SLC45A1: variants seen among roughly 807,000 people sequenced by gnomAD.
SLC45A1 encodes proton-associated sugar transporter A.
In SLC45A1, 28 loss-of-function variants were observed where a neutral mutation model predicts 57.6. The observed-to-expected ratio is 0.49, with a 90% CI of 0.36 to 0.67. SLC45A1 has a LOEUF of 0.67. Among genes scored for constraint, SLC45A1 ranks in the 30% least tolerant of loss-of-function variants. The pLI, the probability that SLC45A1 is intolerant of heterozygous loss-of-function variation, is 0.00. For missense variants in SLC45A1, 814 were observed against 1,041.5 expected (o/e 0.78, Z 3.01); for synonymous variants, 459 against 471.5 (o/e 0.97, Z 0.34).
In SLC45A1 at chr1:8,325,814, C is replaced by T; in HGVS notation, c.491-4C>T. On this transcript the variant is annotated splice_region_variant and splice_polypyrimidine_tract_variant and intron_variant, in intron 3 of 8. Coordinates refer to ENST00000471889, the MANE Select transcript of SLC45A1 (RefSeq NM_001080397.3). The surrounding 1 kb of genome is among the most constrained non-coding windows in gnomAD (Gnocchi z 6.3). ...TTGGGGTGACTTTGTTTCTCTGTGT[C>T]CAGGGGCACTGCTGGGCCTCTCGCT... 2.5e-6 allele frequency: 4 copies of T among 1,611,892 alleles called. No individual in the cohort carries two copies. In the African/African-American group the frequency reaches 4.0e-5, roughly 16 times the overall value.
At chr1:8,323,718 C>G (rs11585805) in intron 1 of SLC45A1, among the ~76,000 whole-genome samples, 29,091 of 152,182 alleles carry the variant, frequency 0.19, 2,864 homozygotes, top group Middle Eastern at 0.33. Context: ...TGTGTTAAGC[C>G]CATTCAGCTG....
chr1:8,338,605 G>A (rs878943250), intron 7 of SLC45A1, among the ~76,000 whole-genome samples: 6 of 152,216 alleles, frequency 3.9e-5, no homozygotes, highest in Admixed American at 1.3e-4. Flanking sequence ...TGGTATTTCC[G>A]GCTTTGCCGG....
chr1:8,319,729 T>A (rs554479686), intron 1 of SLC45A1, among the ~76,000 whole-genome samples: 1 of 152,288 alleles, frequency 6.6e-6, no homozygotes, highest in Non-Finnish European at 1.5e-5. Flanking sequence ...TTGTTGTTGT[T>A]TTTTGAGACA....
Position 8,325,250 on chromosome 1 carries a change from A to G in SLC45A1, c.398-48A>G, listed in dbSNP as rs773039415. On this transcript the variant is annotated intron_variant, in intron 2 of 8. Coordinates refer to ENST00000471889, the MANE Select transcript of SLC45A1 (RefSeq NM_001080397.3). This position sits in a 1 kb window ranked among gnomAD's most constrained non-coding sequence, Gnocchi z 6.3. ...ATGTGGAGGCTGATTCGATGTCCCC[A>G]TGTGCCATGGGGACCCTGGCAATGA... 4.0e-6 allele frequency: 5 copies of G among 1,256,040 alleles called. No individual in the cohort carries two copies. The South Asian group carries it at 4.8e-5, about 12-fold the overall frequency. 77.8% of individuals were successfully genotyped at this position (1,256,040 alleles called of 1,614,324 possible).
intron 1 of SLC45A1, among the ~76,000 whole-genome samples, chr1:8,320,425 T>C (rs1438980994): frequency 6.6e-6 from 1 of 152,162 alleles, no homozygotes; most frequent in Non-Finnish European, 1.5e-5. Context: ...GGTGGATCAC[T>C]TGAGCCCAGG....
At position 8,343,570 on chromosome 1, in the gene SLC45A1, C is replaced by T. The variant is rs1047596204; in HGVS notation, c.1981-177C>T. Among the ~76,000 whole-genome samples, 2 of 152,178 alleles carry T rather than the reference C, an allele frequency of 1.3e-5. No homozygotes were observed. Among genetic ancestry groups the T allele is most frequent in the Admixed American group, 1.3e-4 (2 of 15,282 alleles). The stretch of plus-strand genomic sequence containing the variant: ...GATTCTTTTCATTGTCGTCATCTCT[C>T]CGAACACAAATATTGTTAAACTCTT... On this transcript the variant is annotated intron_variant, in intron 8 of 8. Transcript: ENST00000471889. The surrounding 1 kb of genome is among the most constrained non-coding windows in gnomAD (Gnocchi z 7.7).
At position 8,328,760 on chromosome 1, in the gene SLC45A1, G is replaced by A. The variant is rs772360805; in HGVS notation, c.716-1449G>A. ...AGGCTGAGGCAGGAGAATCACTTGAGCCCAGGAGGAGGAGGTGGCAGTGAG... is the reference window on the plus strand; with the variant it reads ...AGGCTGAGGCAGGAGAATCACTTGAACCCAGGAGGAGGAGGTGGCAGTGAG... On this transcript the variant is annotated intron_variant, in intron 4 of 8. Transcript: ENST00000471889. The surrounding 1 kb of genome is among the most constrained non-coding windows in gnomAD (Gnocchi z 4.6). Among the ~76,000 whole-genome samples the A allele has an allele frequency of 6.6e-5, 10 of 152,134 alleles. No homozygotes were observed. Among genetic ancestry groups the A allele is most frequent in the Non-Finnish European group, 1.5e-4 (10 of 68,002 alleles).
At chr1:8,337,482 G>T (rs574251756) in intron 6 of SLC45A1, among the ~76,000 whole-genome samples, 1 of 152,142 alleles carries the variant, frequency 6.6e-6, no homozygotes, top group Admixed American at 6.5e-5. Context: ...GCAGTGGCGC[G>T]ATCTCAGCTC....
At position 8,335,253 on chromosome 1, in the gene SLC45A1, C is replaced by A. The variant is rs1266756702; in HGVS notation, c.1444-184C>A. 2.6e-5 allele frequency among the ~76,000 whole-genome samples: 4 copies of A among 152,226 alleles called. No homozygotes were observed. The highest frequency in any genetic ancestry group is 1.9e-4 in the East Asian group (1 of 5,192). The stretch of plus-strand genomic sequence containing the variant: ...CTTAGCTGCTCCGGGGCCTCGGAAA[C>A]AATGCCCTGAATTTGTTCCTCTGAG... On this transcript the variant is annotated intron_variant, in intron 5 of 8. Coordinates refer to ENST00000471889, the MANE Select transcript of SLC45A1 (RefSeq NM_001080397.3). The surrounding 1 kb of genome is among the most constrained non-coding windows in gnomAD (Gnocchi z 4.1).
chr1:8,320,690 TCTACACACACACACAC>T (rs749302671), intron 1 of SLC45A1, among the ~76,000 whole-genome samples: 25 of 130,288 alleles, frequency 1.9e-4, no homozygotes, highest in East Asian at 6.3e-4. Flanking sequence ...TCTCTCTCTC[TCTACACACACACACAC>T]ACACACACAC....
intron 8 of SLC45A1, among the ~76,000 whole-genome samples, chr1:8,342,984 C>T (rs1640878406): frequency 6.6e-6 from 1 of 152,152 alleles, no homozygotes; most frequent in South Asian, 2.1e-4. Context: ...CTTTTAATCT[C>T]ATGCCTCAGT....
intron 8 of SLC45A1, among the ~76,000 whole-genome samples, chr1:8,340,178 T>TC (rs1382950227): frequency 6.6e-6 from 1 of 151,832 alleles, no homozygotes; most frequent in African/African-American, 2.4e-5. Context: ...TTTTTTTTTT[T>TC]TTGAGATGGA....
At chr1:8,338,128 C>T (rs147043123) in intron 7 of SLC45A1, 136 bp downstream of exon 7, 15 of 815,684 alleles carry the variant, frequency 1.8e-5, no homozygotes, top group Admixed American at 5.6e-5. Context: ...CTGTCTTTCC[C>T]GGCTGCAGGG....
Position 8,326,180 on chromosome 1 carries a change from A to G in SLC45A1, c.715+138A>G. On this transcript the variant is annotated intron_variant, in intron 4 of 8. Coordinates refer to ENST00000471889, the MANE Select transcript of SLC45A1 (RefSeq NM_001080397.3). This position sits in a 1 kb window ranked among gnomAD's most constrained non-coding sequence, Gnocchi z 5.5. ...CAATACATGGAGAAACACTGAAGTG[A>G]TTGAAAATACATATCTCACACAACA... is the stretch of plus-strand genomic sequence containing the variant. The G allele has an allele frequency of 1.5e-6, 1 of 662,558 alleles. No individual in the cohort carries two copies. Among genetic ancestry groups the G allele is most frequent in the East Asian group, 2.7e-5 (1 of 36,692 alleles). The allele number at this position is 662,558 out of a possible 1,614,324, so 41.0% of individuals were successfully genotyped here.
rs1355499132 is a variant in SLC45A1 at position 8,343,457 on chromosome 1, G to A, written c.1981-290G>A. ...CAGATTGGTTTTCTTTGGGTGAGAG[G>A]ATGGGGAAGAGCTCAAGTGCTGAGC... On this transcript the variant is annotated intron_variant, in intron 8 of 8. Transcript: ENST00000471889. The surrounding 1 kb of genome is among the most constrained non-coding windows in gnomAD (Gnocchi z 7.7). Among the ~76,000 whole-genome samples the A allele has an allele frequency of 1.3e-5, 2 of 152,184 alleles. No individual in the cohort carries two copies. Among genetic ancestry groups the A allele is most frequent in the East Asian group, 3.9e-4 (2 of 5,194 alleles).
intron 8 of SLC45A1, among the ~76,000 whole-genome samples, chr1:8,341,181 C>G (rs1332976006): frequency 3.3e-5 from 4 of 122,816 alleles, no homozygotes; most frequent in Non-Finnish European, 6.6e-5. Flanking sequence ...GCCTGGGCGA[C>G]AGAGCAAGAC....
At position 8,326,012 on chromosome 1, in the gene SLC45A1, C is replaced by G; in HGVS notation, c.685C>G (p.Arg229Gly). ...CGTGTGCAGCCCCGCAGACCAGGAC[C>G]GAGGCCTGAACATCCACGCCCTCCT... ...MDVCSPADQD[R>G]GLNIHALLAG... The change falls in exon 4 of 9, where the codon CGA becomes GGA. Residue 229 changes from arginine (R) to glycine (G), a missense_variant. Arg to Gly is a moderately radical substitution (Grantham distance 125). Transcript: ENST00000471889. The surrounding 1 kb of genome is among the most constrained non-coding windows in gnomAD (Gnocchi z 5.5). The G allele has an allele frequency of 6.2e-7, 1 of 1,606,732 alleles. No individual in the cohort carries two copies. Among genetic ancestry groups the G allele is most frequent in the Non-Finnish European group, 8.5e-7 (1 of 1,179,982 alleles).
chr1:8,324,559 A>C lies in SLC45A1; in HGVS notation c.230A>C (p.Asp77Ala), dbSNP rs1569932302. 1 of 1,348,090 alleles carries C rather than the reference A, an allele frequency of 7.4e-7. No homozygotes were observed. Among genetic ancestry groups the C allele is most frequent in the Non-Finnish European group, 9.8e-7 (1 of 1,021,574 alleles). 83.5% of individuals were successfully genotyped at this position (1,348,090 alleles called of 1,614,324 possible). The change falls in exon 2 of 9, where the codon GAC becomes GCC. Residue 77 changes from aspartate to alanine, a missense_variant. Physicochemically the swap from Asp to Ala is moderately radical, Grantham distance 126 (BLOSUM62 -2). Transcript: ENST00000471889. ...CCGCTTGAGCTGGTGGACTTCGGGG[A>C]CCTGCACCCCCAGAGGTCCTTCCGG... ...PCPLELVDFG[D>A]LHPQRSFREL...
intron 1 of SLC45A1, among the ~76,000 whole-genome samples, 172 bp downstream of exon 1, chr1:8,318,358 C>T (rs1639888222): frequency 6.6e-6 from 1 of 152,232 alleles, no homozygotes; most frequent in African/African-American, 2.4e-5. Context: ...GGAGCTCCCC[C>T]GTCTCGCCCC....
Sources: gnomAD v4.1 joint callset for allele counts (sites outside exome capture counted in the v4.1 genomes callset) on GRCh38, gnomAD v4.1.1 for gene constraint, Gnocchi (gnomAD v3.1) non-coding constraint, MANE v1.5 for transcripts, NCBI Gene and HGNC (gene_info 2026-07-23, HGNC 2026-07-21) for gene names.